Variants in KIR3DL2 observed in about 807,000 individuals in gnomAD.
KIR3DL2 encodes the protein killer cell immunoglobulin like receptor, three Ig domains and long cytoplasmic tail 2.
KIR3DL2 carries 42 observed loss-of-function variants against 41.6 expected under a neutral mutation model. That is an observed-to-expected ratio of 1.01 (90% CI 0.79 to 1.31). The LOEUF (loss-of-function observed/expected upper bound fraction) is 1.31, where lower values mean the gene tolerates loss of function less well. KIR3DL2 is among the 50% of genes most tolerant of loss of function. The pLI is 0.00. For synonymous variants in KIR3DL2, 230 were observed against 221.3 expected (o/e 1.04, Z -0.35); for missense variants, 728 against 576.8 (o/e 1.26, Z -2.68).
Position 54,851,814 on chromosome 19 carries a change from G to C in KIR3DL2, c.71-184G>C, listed in dbSNP as rs375189003. Among the ~76,000 whole-genome samples the C allele has an allele frequency of 7.9e-5, 12 of 151,976 alleles. No individual in the cohort carries two copies. In the East Asian group the frequency reaches 2.1e-3, roughly 27 times the overall value. ...GTCACTTATTCAGCACTTGCTCAAAGTTCTCAGCTGACACTTGTTGTAGGG... is the reference window on the plus strand; with the variant it reads ...GTCACTTATTCAGCACTTGCTCAAACTTCTCAGCTGACACTTGTTGTAGGG... On this transcript the variant is annotated intron_variant, in intron 2 of 8. Coordinates refer to ENST00000326321, the MANE Select transcript of KIR3DL2 (RefSeq NM_006737.4).
chr19:54,861,370 T>G (rs1454175974), intron 6 of KIR3DL2, among the ~76,000 whole-genome samples: 1 of 152,008 alleles, frequency 6.6e-6, no homozygotes, highest in Non-Finnish European at 1.5e-5. Flanking sequence ...TACAAGGCTG[T>G]GAACGGTGGC....
Position 54,855,910 on chromosome 19 carries a change from C to T in KIR3DL2, c.947C>T (p.Thr316Ile), listed in dbSNP as rs2064731828. 3 of 1,613,472 alleles carry T rather than the reference C, an allele frequency of 1.9e-6. No individual in the cohort carries two copies. The highest frequency in any genetic ancestry group is 1.3e-5 in the African/African-American group (1 of 74,634). ...NSSDPLLVSV[T>I]GNPSSSWPSP... The stretch of plus-strand genomic sequence containing the variant: ...AGTGACCCACTGCTTGTTTCTGTCA[C>T]AGGTGAGGAAAACCCGTGTCTGTCC... The change falls in exon 5 of 9, where the codon ACA (threonine) becomes ATA (isoleucine). Residue 316 changes from threonine to isoleucine, a missense_variant and splice_region_variant. By Grantham distance (89) the Thr-to-Ile change is moderately conservative. Coordinates refer to ENST00000326321, the MANE Select transcript of KIR3DL2 (RefSeq NM_006737.4).
chr19:54,860,530 C>T (rs1300563924), intron 6 of KIR3DL2, among the ~76,000 whole-genome samples: 1 of 151,920 alleles, frequency 6.6e-6, no homozygotes, highest in Non-Finnish European at 1.5e-5. Context: ...CCACCACGCC[C>T]GGCTAACTCT....
In KIR3DL2 at chr19:54,852,626, A is replaced by G. The variant is rs574300683; in HGVS notation, c.355+344A>G. 4.0e-5 allele frequency among the ~76,000 whole-genome samples: 6 copies of G among 150,702 alleles called. No individual in the cohort carries two copies. In the South Asian group the frequency reaches 6.2e-4, roughly 16 times the overall value. On this transcript the variant is annotated intron_variant, in intron 3 of 8. Coordinates refer to ENST00000326321, the MANE Select transcript of KIR3DL2 (RefSeq NM_006737.4). ...AAGGGTCCGCGTGAGAGGTGGAGGA[A>G]GAGGGGAGTGGGGATTAGAGCAGTG... is the stretch of plus-strand genomic sequence containing the variant.
chr19:54,864,328 T>G (rs914727429), intron 6 of KIR3DL2, among the ~76,000 whole-genome samples: 7 of 152,154 alleles, frequency 4.6e-5, no homozygotes, highest in African/African-American at 1.7e-4. Context: ...TAGGATTGAC[T>G]TGGCAATGCA....
intron 5 of KIR3DL2, 115 bp from the exon 6 acceptor site, chr19:54,858,964 C>T: frequency 9.3e-7 from 1 of 1,077,000 alleles, no homozygotes. Flanking sequence ...TCCCAAGACT[C>T]CCAGGGTCCA....
intron 4 of KIR3DL2, 133 bp from the exon 5 acceptor site, chr19:54,855,486 A>G (rs1419124880): frequency 7.5e-7 from 1 of 1,338,060 alleles, no homozygotes; most frequent in East Asian, 2.3e-5. Context: ...AGACATGAAG[A>G]GAGTTGGGGT....
At chr19:54,863,421 G>A (rs2065311575) in intron 6 of KIR3DL2, among the ~76,000 whole-genome samples, 1 of 152,076 alleles carries the variant, frequency 6.6e-6, no homozygotes, top group South Asian at 2.1e-4. Flanking sequence ...GATCCCTGAG[G>A]AATCGCCACA....
At chr19:54,852,458 G>A (rs1487370227) in intron 3 of KIR3DL2, among the ~76,000 whole-genome samples, 176 bp downstream of exon 3, 3 of 151,498 alleles carry the variant, frequency 2.0e-5, no homozygotes, top group East Asian at 3.9e-4. Flanking sequence ...GCCAATGATG[G>A]CTACATTGTA....
intron 6 of KIR3DL2, among the ~76,000 whole-genome samples, chr19:54,859,734 C>G (rs1306410237): frequency 6.6e-6 from 1 of 151,830 alleles, no homozygotes; most frequent in African/African-American, 2.4e-5. Context: ...AATTATCTTA[C>G]AGTGCTGTAG....
intron 6 of KIR3DL2, 34 bp from the exon 7 acceptor site, chr19:54,865,771 A>G (rs1191844096): frequency 6.6e-7 from 1 of 1,508,410 alleles, no homozygotes; most frequent in East Asian, 2.3e-5. Flanking sequence ...AACTGCTATG[A>G]TTAGCTTCTT....
intron 7 of KIR3DL2, 93 bp from the exon 8 acceptor site, chr19:54,866,277 C>T (rs1052208501): frequency 7.5e-7 from 1 of 1,325,466 alleles, no homozygotes; most frequent in Admixed American, 1.9e-5. Flanking sequence ...GCCTCAGGCA[C>T]CTACAGCCTC....
chr19:54,865,496 G>A (rs573932884), intron 6 of KIR3DL2, among the ~76,000 whole-genome samples: 1 of 152,232 alleles, frequency 6.6e-6, no homozygotes, highest in South Asian at 2.1e-4. Flanking sequence ...TATTCATGAT[G>A]GATCCACCTC....
At position 54,852,061 on chromosome 19, in the gene KIR3DL2, T is replaced by G; in HGVS notation, c.134T>G (p.Val45Gly). 6.2e-7 allele frequency: 1 copy of G among 1,612,454 alleles called. No homozygotes were observed. The change falls in exon 3 of 9, where the codon GTG becomes GGG. Residue 45 changes from valine to glycine, a missense_variant. Physicochemically the swap from Val to Gly is moderately radical, Grantham distance 109. Transcript: ENST00000326321. ...PSTVVPRGGH[V>G]ALQCHYRRGF... is the part of the protein sequence containing the mutation. ...ACTGTGGTGCCTCGAGGAGGACACG[T>G]GGCTCTTCAGTGTCACTATCGTCGT...
intron 5 of KIR3DL2, among the ~76,000 whole-genome samples, chr19:54,857,422 T>G (rs1027835634): frequency 8.6e-5 from 13 of 151,460 alleles, no homozygotes; most frequent in East Asian, 7.7e-4. Flanking sequence ...TTTCCATACT[T>G]TTCTCCATAA....
intron 6 of KIR3DL2, among the ~76,000 whole-genome samples, chr19:54,859,359 T>A (rs1222873858): frequency 6.6e-6 from 1 of 152,070 alleles, no homozygotes; most frequent in East Asian, 1.9e-4. Context: ...GCTAGAAGAA[T>A]AATTGCCAAT....
rs1174511561 is a variant in KIR3DL2 at position 54,851,273 on chromosome 19, C to T, written c.70+18C>T. Reference sequence around the variant, plus strand: ...ACTCATGGGTGAGTCCGTCCCCAAACCTTAGGGTGTCATCTCCCCACATAA... The same window carrying T: ...ACTCATGGGTGAGTCCGTCCCCAAATCTTAGGGTGTCATCTCCCCACATAA... On this transcript the variant is annotated intron_variant, in intron 2 of 8. Coordinates refer to ENST00000326321, the MANE Select transcript of KIR3DL2 (RefSeq NM_006737.4). The T allele has an allele frequency of 3.7e-6, 6 of 1,603,644 alleles. No individual in the cohort carries two copies. The highest frequency in any genetic ancestry group is 4.5e-5 in the East Asian group (2 of 44,360).
intron 6 of KIR3DL2, among the ~76,000 whole-genome samples, chr19:54,864,071 C>T (rs1321972478): frequency 6.6e-6 from 1 of 151,946 alleles, no homozygotes; most frequent in African/African-American, 2.4e-5. Context: ...AGCTTTCTAC[C>T]TATGGCTAGC....
At chr19:54,863,366 T>C (rs1339627317) in intron 6 of KIR3DL2, among the ~76,000 whole-genome samples, 1 of 152,102 alleles carries the variant, frequency 6.6e-6, no homozygotes, top group Admixed American at 6.5e-5. Context: ...TTTGGGTTTA[T>C]ACCCAGTAAT....
Sources: gnomAD v4.1 joint callset for allele counts (sites outside exome capture counted in the v4.1 genomes callset) on GRCh38, gnomAD v4.1.1 for gene constraint, MANE v1.5 for transcripts, NCBI Gene and HGNC (gene_info 2026-07-23, HGNC 2026-07-21) for gene names.